PSD2: variants seen among roughly 807,000 people sequenced by gnomAD.
The protein encoded by PSD2 is pleckstrin and Sec7 domain containing 2, also known as PH and SEC7 domain-containing protein 2.
In PSD2, 38 loss-of-function variants were observed where a neutral mutation model predicts 69.8. That is an observed-to-expected ratio of 0.54 (90% CI 0.42 to 0.71). The LOEUF (loss-of-function observed/expected upper bound fraction) is 0.71. Ranked by LOEUF, PSD2 falls within the 30% of genes least tolerant of loss-of-function variation. The probability of loss-of-function intolerance (pLI) is 0.00; values close to 1 mark genes in which losing one functional copy is unlikely to be tolerated. For missense variants in PSD2, 943 were observed against 1,014.5 expected (o/e 0.93, Z 0.96); for synonymous variants, 412 against 423.0 (o/e 0.97, Z 0.32).
In PSD2 at chr5:139,837,337, C is replaced by T; in HGVS notation, c.1665+99C>T. The T allele has an allele frequency of 8.4e-7, 1 of 1,193,236 alleles. No homozygotes were observed. The allele number at this position is 1,193,236 out of a possible 1,614,324, so 73.9% of individuals were successfully genotyped here. ...CCGAAGCCCCAGGCAGGACCTGGGG[C>T]TCAGGCACATGCTGGGTCCTTCCCC... On this transcript the variant is annotated intron_variant, in intron 11 of 14. Coordinates refer to ENST00000274710, the MANE Select transcript of PSD2 (RefSeq NM_032289.4). This position sits in a 1 kb window ranked among gnomAD's most constrained non-coding sequence, Gnocchi z 5.0.
At chr5:139,750,354 C>G in the PSD2 span, among the ~76,000 whole-genome samples, 24 of 151,978 alleles carry the variant, frequency 1.6e-4, no homozygotes, top group African/African-American at 5.8e-4. Flanking sequence ...AAAAAAAAAC[C>G]CAAAATATGA....
the PSD2 span, among the ~76,000 whole-genome samples, chr5:139,781,292 G>A: frequency 1.3e-5 from 2 of 151,966 alleles, no homozygotes; most frequent in African/African-American, 4.8e-5. Flanking sequence ...ATCCAGCTGT[G>A]GCTGTTCACC....
chr5:139,832,300 T>TAC (rs1448938721), intron 7 of PSD2, among the ~76,000 whole-genome samples: 1 of 152,242 alleles, frequency 6.6e-6, no homozygotes, highest in Non-Finnish European at 1.5e-5. Context: ...TATATATCTA[T>TAC]ACACACATAT....
At chr5:139,823,868 A>C (rs1480274525) in intron 7 of PSD2, among the ~76,000 whole-genome samples, 2 of 152,240 alleles carry the variant, frequency 1.3e-5, no homozygotes, top group African/African-American at 4.8e-5. Context: ...GTGAAGGCCC[A>C]GTCTGCTGGC....
intron 7 of PSD2, among the ~76,000 whole-genome samples, chr5:139,832,020 T>C: frequency 6.6e-6 from 1 of 152,030 alleles, no homozygotes; most frequent in Non-Finnish European, 1.5e-5. Context: ...ATGCTGCTCT[T>C]TCTGGGGTCA....
chr5:139,844,299 T>G lies in PSD2; in HGVS notation c.*1825T>G, dbSNP rs1760946128. The G allele has an allele frequency of 6.6e-6, 1 of 152,216 alleles. No homozygotes were observed. Among genetic ancestry groups the G allele is most frequent in the Non-Finnish European group, 1.5e-5 (1 of 68,042 alleles). The allele number at this position is 152,216 out of a possible 1,614,324, so 9.4% of individuals were successfully genotyped here. A position where few individuals can be genotyped will look rare whatever the true frequency, so the allele number is the denominator to read the frequency against. On this transcript the variant is annotated 3_prime_UTR_variant, in exon 15 of 15. Transcript: ENST00000274710. ...GTGCTTCCTGAGCATGGGTTGTGCC[T>G]CCCATCAGTAAAAAAATGTTTAGTT...
the PSD2 span, among the ~76,000 whole-genome samples, chr5:139,767,638 T>C: frequency 1.8e-4 from 27 of 152,254 alleles, no homozygotes; most frequent in East Asian, 5.2e-3. Flanking sequence ...TAAGCATCAG[T>C]TTTCTTATTT....
At chr5:139,759,634 C>T in the PSD2 span, among the ~76,000 whole-genome samples, 1 of 152,222 alleles carries the variant, frequency 6.6e-6, no homozygotes, top group African/African-American at 2.4e-5. Context: ...AATCACGGGC[C>T]GTGGCGGGCG....
chr5:139,750,937 A>G, the PSD2 span, among the ~76,000 whole-genome samples: 1 of 152,170 alleles, frequency 6.6e-6, no homozygotes, highest in Non-Finnish European at 1.5e-5. Flanking sequence ...TCCTCAAAGA[A>G]ATGCCATTAT....
the PSD2 span, among the ~76,000 whole-genome samples, chr5:139,778,935 A>G: frequency 6.7e-6 from 1 of 149,362 alleles, no homozygotes; most frequent in Non-Finnish European, 1.5e-5. Context: ...TCTCAAAAAA[A>G]GAAAAAAAAC....
At chr5:139,780,651 C>T in the PSD2 span, among the ~76,000 whole-genome samples, 4 of 152,156 alleles carry the variant, frequency 2.6e-5, no homozygotes, top group Non-Finnish European at 4.4e-5. Context: ...ACCATGTTGG[C>T]CAGACTGGTC....
At chr5:139,772,330 G>A in the PSD2 span, among the ~76,000 whole-genome samples, 2 of 152,098 alleles carry the variant, frequency 1.3e-5, no homozygotes, top group Non-Finnish European at 2.9e-5. Context: ...CCTGCCCCAA[G>A]GACTGTTGAG....
At chr5:139,813,897 C>T in intron 3 of PSD2, 139 bp downstream of exon 3, 1 of 779,358 alleles carries the variant, frequency 1.3e-6, no homozygotes, top group Non-Finnish European at 2.0e-6. Flanking sequence ...CCTCTGCATC[C>T]AGGCTTCCCA....
the PSD2 span, among the ~76,000 whole-genome samples, chr5:139,757,259 T>C: frequency 6.6e-6 from 1 of 152,096 alleles, no homozygotes; most frequent in Non-Finnish European, 1.5e-5. Flanking sequence ...ATGAGAATCA[T>C]CCTCCTCACA....
chr5:139,776,290 C>G, the PSD2 span, among the ~76,000 whole-genome samples: 76 of 152,334 alleles, frequency 5.0e-4, no homozygotes, highest in East Asian at 0.013. Flanking sequence ...CAACCAGGGT[C>G]CCCCTAAAAA....
In PSD2 at chr5:139,842,559, C is replaced by A; in HGVS notation, c.*85C>A. The A allele has an allele frequency of 8.0e-7, 1 of 1,250,798 alleles. No homozygotes were observed. Among genetic ancestry groups the A allele is most frequent in the Non-Finnish European group, 1.1e-6 (1 of 869,964 alleles). The allele number at this position is 1,250,798 out of a possible 1,614,324, so 77.5% of individuals were successfully genotyped here. ...AATTCCAGCCAGGGGCCACTTGGACCAAGCTCCAGTCAGTTGATGGGCAGC... is the reference window on the plus strand; with the variant it reads ...AATTCCAGCCAGGGGCCACTTGGACAAAGCTCCAGTCAGTTGATGGGCAGC... On this transcript the variant is annotated 3_prime_UTR_variant, in exon 15 of 15. Coordinates refer to ENST00000274710, the MANE Select transcript of PSD2 (RefSeq NM_032289.4).
At chr5:139,832,571 C>T (rs1760621739) in intron 7 of PSD2, among the ~76,000 whole-genome samples, 1 of 152,316 alleles carries the variant, frequency 6.6e-6, no homozygotes, top group African/African-American at 2.4e-5. Flanking sequence ...GACACCAGCA[C>T]AAATCAGCAT....
the PSD2 span, among the ~76,000 whole-genome samples, chr5:139,745,708 C>G: frequency 6.6e-6 from 1 of 152,358 alleles, no homozygotes; most frequent in South Asian, 2.1e-4. Context: ...CCCTTCAGAG[C>G]AAACCCACTT....
intron 1 of PSD2, among the ~76,000 whole-genome samples, chr5:139,806,538 C>A (rs937499369): frequency 2.0e-5 from 3 of 152,228 alleles, no homozygotes; most frequent in Admixed American, 6.5e-5. Context: ...TGGAGCACAG[C>A]TGCCTTTCAT....
Sources: gnomAD v4.1 joint callset for allele counts (sites outside exome capture counted in the v4.1 genomes callset) on GRCh38, gnomAD v4.1.1 for gene constraint, Gnocchi (gnomAD v3.1) non-coding constraint, MANE v1.5 for transcripts, NCBI Gene and HGNC (gene_info 2026-07-23, HGNC 2026-07-21) for gene names.